The following THSD7B variants were observed in gnomAD, a reference collection of about 807,000 sequenced individuals.
THSD7B encodes the protein thrombospondin type-1 domain-containing protein 7B.
THSD7B carries 138 observed loss-of-function variants against 213.6 expected under a neutral mutation model. The ratio of observed to expected loss-of-function variants is 0.65; its 90% CI spans 0.56 to 0.74. The LOEUF (loss-of-function observed/expected upper bound fraction) is 0.74, where lower values mean the gene tolerates loss of function less well. THSD7B is among the 30% of genes least tolerant of loss of function. The pLI, the probability that THSD7B is intolerant of heterozygous loss-of-function variation, is 0.00. For synonymous variants in THSD7B, 742 were observed against 687.0 expected (o/e 1.08, Z -1.25); for missense variants, 1,931 against 1,991.5 (o/e 0.97, Z 0.58).
intron 10 of THSD7B, among the ~76,000 whole-genome samples, chr2:137,252,266 C>CAAA (rs1182130976): frequency 0.017 from 988 of 59,364 alleles, 118 homozygotes; most frequent in African/African-American, 0.056. Flanking sequence ...GACTCTGTCT[C>CAAA]AAAAAAAAAA....
intron 2 of THSD7B, among the ~76,000 whole-genome samples, chr2:136,920,542 T>C (rs1487115632): frequency 6.6e-6 from 1 of 152,172 alleles, no homozygotes; most frequent in Non-Finnish European, 1.5e-5. Flanking sequence ...CTGGAAAAAG[T>C]ACTGTCCAAT....
rs533565222 is a variant in THSD7B, at chr2:137,670,902, CAG to C, written c.4739+3044_4739+3045del. 1.6e-3 allele frequency among the ~76,000 whole-genome samples: 203 copies of C among 128,428 alleles called. 2 individuals carry two copies. The highest frequency in any genetic ancestry group is 6.0e-3 in the African/African-American group (192 of 31,800). 84.3% of individuals were successfully genotyped at this position (128,428 alleles called of 152,430 possible). Reference sequence around the variant, plus strand: ...CGCCACTGCACTGCAGCGTGGGCGACAGAGTGAGACTCCGCCTCAAAAAAAAA... The same window carrying C: ...CGCCACTGCACTGCAGCGTGGGCGACAGTGAGACTCCGCCTCAAAAAAAAA... On this transcript the variant is annotated intron_variant, in intron 27 of 27. Coordinates refer to ENST00000409968, the MANE Select transcript of THSD7B (RefSeq NM_001316349.2).
intron 12 of THSD7B, among the ~76,000 whole-genome samples, chr2:137,306,879 AAT>A (rs1186680245): frequency 3.3e-5 from 5 of 152,160 alleles, no homozygotes; most frequent in Admixed American, 6.5e-5. Flanking sequence ...TTTTACAAAA[AAT>A]ATGAGGATAC....
At chr2:137,538,853 C>G (rs10496776) in intron 15 of THSD7B, among the ~76,000 whole-genome samples, 11,065 of 151,670 alleles carry the variant, frequency 0.073, 450 homozygotes, top group African/African-American at 0.089. Context: ...CTGCCCTGTA[C>G]TTTCAGAATG....
chr2:137,433,669 T>A (rs1048864050), intron 14 of THSD7B, among the ~76,000 whole-genome samples: 3 of 152,148 alleles, frequency 2.0e-5, no homozygotes, highest in Non-Finnish European at 4.4e-5. Flanking sequence ...TTCTACTTTC[T>A]CTAGGCCATT....
intron 8 of THSD7B, 132 bp from the exon 9 acceptor site, chr2:137,232,766 GA>G: frequency 1.3e-6 from 1 of 757,262 alleles, no homozygotes; most frequent in South Asian, 1.8e-5. Context: ...AGACTGAGAA[GA>G]ACAGTGCAGT....
intron 15 of THSD7B, among the ~76,000 whole-genome samples, chr2:137,476,373 T>C (rs940369812): frequency 6.6e-6 from 1 of 152,134 alleles, no homozygotes; most frequent in African/African-American, 2.4e-5. Context: ...TTTGAGGTGT[T>C]ACTCATAAAA....
chr2:137,414,846 A>G (rs971456450), intron 14 of THSD7B, among the ~76,000 whole-genome samples: 1 of 152,170 alleles, frequency 6.6e-6, no homozygotes, highest in African/African-American at 2.4e-5. Flanking sequence ...ACTTGAGGCC[A>G]TGACTTCAAG....
chr2:137,033,170 A>C (rs897051729), intron 2 of THSD7B, among the ~76,000 whole-genome samples: 26 of 152,342 alleles, frequency 1.7e-4, no homozygotes, highest in African/African-American at 6.3e-4. Flanking sequence ...ATGTGTCTAC[A>C]TGCCAGCCAG....
At chr2:137,273,681 T>A (rs1682803340) in intron 11 of THSD7B, among the ~76,000 whole-genome samples, 1 of 152,104 alleles carries the variant, frequency 6.6e-6, no homozygotes, top group Non-Finnish European at 1.5e-5. Context: ...TACTATTGAT[T>A]TTATCATCCT....
intron 1 of THSD7B, among the ~76,000 whole-genome samples, chr2:136,868,628 A>AT (rs913986902): frequency 7.2e-5 from 11 of 152,294 alleles, no homozygotes; most frequent in African/African-American, 2.6e-4. Context: ...GTAATTAAGT[A>AT]TTTTTTTAAT....
At chr2:137,309,823 A>G (rs1683848612) in intron 12 of THSD7B, among the ~76,000 whole-genome samples, 1 of 152,164 alleles carries the variant, frequency 6.6e-6, no homozygotes, top group South Asian at 2.1e-4. Flanking sequence ...ATGTCCCTAC[A>G]AAGGACATGA....
chr2:137,628,002 C>A (rs1682663971), intron 20 of THSD7B, among the ~76,000 whole-genome samples: 3 of 152,162 alleles, frequency 2.0e-5, no homozygotes, highest in Non-Finnish European at 4.4e-5. Context: ...TCTGAATGTC[C>A]AAATTCTTTA....
intron 14 of THSD7B, among the ~76,000 whole-genome samples, chr2:137,441,728 G>T (rs567606510): frequency 6.6e-6 from 1 of 152,098 alleles, no homozygotes; most frequent in Non-Finnish European, 1.5e-5. Flanking sequence ...AACAACAATT[G>T]ATTTATTGAC....
intron 1 of THSD7B, among the ~76,000 whole-genome samples, chr2:136,831,129 C>CT (rs776235166): frequency 0.023 from 2,700 of 119,854 alleles, 116 homozygotes; most frequent in African/African-American, 0.08. Flanking sequence ...CCTGTAGAAT[C>CT]TTTTTTTTTT....
intron 12 of THSD7B, among the ~76,000 whole-genome samples, chr2:137,311,380 G>A (rs1361670451): frequency 6.6e-6 from 1 of 152,026 alleles, no homozygotes; most frequent in Admixed American, 6.6e-5. Flanking sequence ...TGCTGAAGTT[G>A]CTTATCAGCT....
intron 2 of THSD7B, among the ~76,000 whole-genome samples, chr2:136,990,654 T>C (rs1286904297): frequency 6.6e-6 from 1 of 152,162 alleles, no homozygotes; most frequent in Non-Finnish European, 1.5e-5. Context: ...CCTTATTTCA[T>C]AGGACATTTA....
At chr2:137,401,132 T>C (rs147351946) in intron 12 of THSD7B, among the ~76,000 whole-genome samples, 144 of 152,342 alleles carry the variant, frequency 9.5e-4, no homozygotes, top group Non-Finnish European at 2.1e-4. Context: ...TTCTCTGATT[T>C]AAGGACACTA....
chr2:136,852,641 T>G (rs72977559), intron 1 of THSD7B, among the ~76,000 whole-genome samples: 3,639 of 152,274 alleles, frequency 0.024, 157 homozygotes, highest in African/African-American at 0.084. Flanking sequence ...ATTGCTGTGG[T>G]TTTGATTTTG....
Sources: allele counts gnomAD v4.1 joint callset (sites outside exome capture counted in the v4.1 genomes callset), GRCh38; gene constraint gnomAD v4.1.1; transcripts MANE v1.5; gene names NCBI Gene and HGNC (gene_info 2026-07-23, HGNC 2026-07-21).